CAST: variants seen among roughly 807,000 people sequenced by gnomAD.
The protein encoded by CAST is calpastatin, also known as MIR583 host.
CAST carries 76 observed loss-of-function variants against 119.6 expected under a neutral mutation model. The observed-to-expected ratio is 0.64, with a 90% CI of 0.53 to 0.77. The LOEUF (loss-of-function observed/expected upper bound fraction) is 0.77, where lower values mean the gene tolerates loss of function less well. Among genes scored for constraint, CAST ranks in the 30% least tolerant of loss-of-function variants. The probability of loss-of-function intolerance (pLI) is 0.00; values close to 1 mark genes in which losing one functional copy is unlikely to be tolerated. For synonymous variants in CAST, 319 were observed against 331.6 expected (o/e 0.96, Z 0.41); for missense variants, 953 against 946.5 (o/e 1.01, Z -0.09).
the CAST span, among the ~76,000 whole-genome samples, chr5:96,020,913 G>A: frequency 7.0e-6 from 1 of 141,948 alleles, no homozygotes; most frequent in African/African-American, 2.6e-5. Flanking sequence ...AACTGCTGCT[G>A]TAGTCCTTTA....
At chr5:96,331,402 A>T in the CAST span, among the ~76,000 whole-genome samples, 1 of 152,242 alleles carries the variant, frequency 6.6e-6, no homozygotes, top group Non-Finnish European at 1.5e-5. Context: ...TAAGTTATGC[A>T]ACCGGGAAAC....
At chr5:96,194,763 G>A in the CAST span, among the ~76,000 whole-genome samples, 1 of 152,200 alleles carries the variant, frequency 6.6e-6, no homozygotes, top group Non-Finnish European at 1.5e-5. Context: ...ATGGACTGGT[G>A]ACAATTTCCT....
At chr5:96,401,018 C>A in the CAST span, among the ~76,000 whole-genome samples, 1 of 119,408 alleles carries the variant, frequency 8.4e-6, no homozygotes, top group Non-Finnish European at 1.6e-5. Context: ...ACCTGGGAGG[C>A]GGAGCTTGCA....
the CAST span, among the ~76,000 whole-genome samples, chr5:96,305,924 T>G: frequency 1.3e-5 from 2 of 152,236 alleles, no homozygotes; most frequent in Admixed American, 1.3e-4. Context: ...CTGTTTTTGT[T>G]GTTTCTCTGC....
the CAST span, among the ~76,000 whole-genome samples, chr5:96,431,038 AC>A: frequency 6.6e-6 from 1 of 152,176 alleles, no homozygotes; most frequent in Non-Finnish European, 1.5e-5. Context: ...GTCTCCTCCT[AC>A]ACGGTTACCA....
intron 2 of CAST, among the ~76,000 whole-genome samples, chr5:96,686,352 A>C (rs1752081350): frequency 6.6e-6 from 1 of 152,008 alleles, no homozygotes. Flanking sequence ...TAGAGAGAGA[A>C]GAGAGAGAAA....
chr5:96,069,355 ATGTGTGTGTGTG>A, the CAST span, among the ~76,000 whole-genome samples: 7 of 141,694 alleles, frequency 4.9e-5, no homozygotes, highest in East Asian at 2.1e-4. Context: ...GTGTGTATGT[ATGTGTGTGTGTG>A]TGTGTGTGTG....
At chr5:96,497,614 A>T in the CAST span, among the ~76,000 whole-genome samples, 1 of 152,034 alleles carries the variant, frequency 6.6e-6, no homozygotes, top group Non-Finnish European at 1.5e-5. Flanking sequence ...ATTGCCAGTG[A>T]TGATGAGCAT....
At chr5:96,318,280 G>A in the CAST span, among the ~76,000 whole-genome samples, 1 of 152,208 alleles carries the variant, frequency 6.6e-6, no homozygotes, top group East Asian at 1.9e-4. Context: ...AAACTCTCCA[G>A]TGCTGGAGTA....
At chr5:96,475,759 GCTACAAAAGAGA>G in the CAST span, among the ~76,000 whole-genome samples, 1 of 152,186 alleles carries the variant, frequency 6.6e-6, no homozygotes, top group Non-Finnish European at 1.5e-5. Context: ...ATAAGAGGCT[GCTACAAAAGAGA>G]CTACAAAAGA....
the CAST span, among the ~76,000 whole-genome samples, chr5:96,148,104 CTT>C: frequency 2.0e-5 from 3 of 152,290 alleles, no homozygotes; most frequent in Non-Finnish European, 4.4e-5. Context: ...CACAGGGACT[CTT>C]TGGTCATGAG....
At chr5:96,109,651 G>C in the CAST span, among the ~76,000 whole-genome samples, 1 of 152,216 alleles carries the variant, frequency 6.6e-6, no homozygotes, top group Non-Finnish European at 1.5e-5. Flanking sequence ...AGAGAGGTGG[G>C]AAGGAAGTGT....
chr5:96,304,710 C>T, the CAST span, among the ~76,000 whole-genome samples: 1 of 152,154 alleles, frequency 6.6e-6, no homozygotes, highest in Admixed American at 6.5e-5. Context: ...ATAGGGAATC[C>T]TTTCCCCATA....
chr5:96,312,186 C>T, the CAST span, among the ~76,000 whole-genome samples: 7 of 152,072 alleles, frequency 4.6e-5, no homozygotes, highest in African/African-American at 1.7e-4. Flanking sequence ...ACACAACAAC[C>T]TTACACTTTT....
chr5:96,333,912 G>A, the CAST span, among the ~76,000 whole-genome samples: 1 of 152,162 alleles, frequency 6.6e-6, no homozygotes, highest in African/African-American at 2.4e-5. Context: ...TTCAACTGGA[G>A]CAAGCAGCAG....
chr5:96,641,351 G>A (rs914459534), intron 1 of CAST, among the ~76,000 whole-genome samples: 5 of 152,154 alleles, frequency 3.3e-5, no homozygotes, highest in Non-Finnish European at 7.3e-5. Context: ...GGAGGCTATG[G>A]AAACTTTCCA....
the CAST span, among the ~76,000 whole-genome samples, chr5:96,064,686 T>C: frequency 3.1e-3 from 406 of 129,664 alleles, 1 homozygote; most frequent in African/African-American, 0.01. Context: ...TTCATTGTAG[T>C]TTGTGCCTGT....
intron 31 of CAST, chr5:96,772,325 T>C (rs1772715148): frequency 6.5e-6 from 1 of 153,488 alleles, no homozygotes; most frequent in Non-Finnish European, 1.5e-5. Context: ...GAGGGCTTAA[T>C]GTAAGCCTTA....
At chr5:96,616,727 T>C (rs1233966693) in intron 1 of CAST, among the ~76,000 whole-genome samples, 1 of 129,580 alleles carries the variant, frequency 7.7e-6, no homozygotes, top group African/African-American at 3.5e-5. Flanking sequence ...AAGCGCTCGC[T>C]CGCTCTCTCT....
Sources: gnomAD v4.1 joint callset for allele counts (sites outside exome capture counted in the v4.1 genomes callset) on GRCh38, gnomAD v4.1.1 for gene constraint, MANE v1.5 for transcripts, NCBI Gene and HGNC (gene_info 2026-07-23, HGNC 2026-07-21) for gene names.